The following KCNN2 variants were observed in gnomAD, a reference collection of about 807,000 sequenced individuals.
KCNN2 encodes potassium calcium-activated channel subfamily N member 2.
In KCNN2, 24 loss-of-function variants were observed where a neutral mutation model predicts 55.5. The ratio of observed to expected loss-of-function variants is 0.43; its 90% CI spans 0.31 to 0.61. KCNN2 has a LOEUF of 0.61. KCNN2 is among the 20% of genes least tolerant of loss of function. The pLI is 0.08. For synonymous variants in KCNN2, 431 were observed against 336.1 expected (o/e 1.28, Z -3.09); for missense variants, 754 against 853.6 (o/e 0.88, Z 1.45).
chr5:114,387,623 T>C (rs1001689116), intron 2 of KCNN2, among the ~76,000 whole-genome samples: 7 of 152,226 alleles, frequency 4.6e-5, no homozygotes, highest in Non-Finnish European at 1.0e-4. Context: ...GCTAAGGCTC[T>C]GAGCAGTTCA....
At chr5:114,238,454 C>T (rs1232375535) in intron 2 of KCNN2, among the ~76,000 whole-genome samples, 2 of 151,862 alleles carry the variant, frequency 1.3e-5, no homozygotes, top group Admixed American at 6.6e-5. Context: ...GGTGAAACCC[C>T]GTCTCTACTA....
chr5:114,231,322 C>T (rs1754353464), intron 2 of KCNN2, among the ~76,000 whole-genome samples: 1 of 114,804 alleles, frequency 8.7e-6, no homozygotes, highest in African/African-American at 3.7e-5. Context: ...GCTTTTGTTG[C>T]CATTGCTTTT....
intron 2 of KCNN2, among the ~76,000 whole-genome samples, chr5:114,344,214 G>A (rs902161589): frequency 6.6e-6 from 1 of 152,144 alleles, no homozygotes; most frequent in Non-Finnish European, 1.5e-5. Flanking sequence ...ACAAAGTAAG[G>A]AGCCCAGTCA....
chr5:114,440,805 T>C (rs1362395701), intron 3 of KCNN2, among the ~76,000 whole-genome samples: 1 of 138,756 alleles, frequency 7.2e-6, no homozygotes, highest in African/African-American at 2.5e-5. Flanking sequence ...AATAGAAAAA[T>C]GTGTAGTATG....
At position 114,061,981 on chromosome 5, in the gene KCNN2, A is replaced by G. The variant is rs926582014; in HGVS notation, c.-271+5481A>G. ...CTTAAAAACTGAATGACTTATTTAC[A>G]TTTCCCCAAAGATGACCAACTGTAA... On this transcript the variant is annotated intron_variant, in intron 1 of 10. Coordinates refer to the KCNN2 transcript ENST00000512097. Among the ~76,000 whole-genome samples, 4 of 152,080 alleles carry G rather than the reference A, an allele frequency of 2.6e-5. No individual in the cohort carries two copies. The East Asian group carries it at 7.7e-4, about 29-fold the overall frequency.
At chr5:114,099,738 G>T (rs981109313) in intron 1 of KCNN2, among the ~76,000 whole-genome samples, 19 of 152,104 alleles carry the variant, frequency 1.2e-4, no homozygotes, top group Admixed American at 1.0e-3. Flanking sequence ...CTTTTCTTCA[G>T]ATATAGTAGC....
chr5:114,188,387 C>T (rs1238984862), intron 1 of KCNN2, among the ~76,000 whole-genome samples: 1 of 152,032 alleles, frequency 6.6e-6, no homozygotes, highest in African/African-American at 2.4e-5. Flanking sequence ...CAGATATTAT[C>T]TGTATAATAT....
chr5:114,396,157 C>T (rs988872743), intron 2 of KCNN2, among the ~76,000 whole-genome samples: 4 of 151,776 alleles, frequency 2.6e-5, no homozygotes, highest in African/African-American at 9.7e-5. Context: ...TTTGCATCTT[C>T]TCTTTCTTTT....
At chr5:114,172,244 T>C (rs1165919532) in intron 1 of KCNN2, among the ~76,000 whole-genome samples, 7 of 151,984 alleles carry the variant, frequency 4.6e-5, no homozygotes, top group African/African-American at 1.4e-4. Context: ...TGGTGCTTAT[T>C]ATGGGCAAAG....
At chr5:114,130,082 G>T (rs576523099) in intron 1 of KCNN2, among the ~76,000 whole-genome samples, 2 of 152,254 alleles carry the variant, frequency 1.3e-5, no homozygotes, top group Admixed American at 6.5e-5. Context: ...TTCCTCCCTA[G>T]TATACCAGCT....
intron 3 of KCNN2, among the ~76,000 whole-genome samples, chr5:114,423,098 T>G (rs1759517392): frequency 6.6e-6 from 1 of 152,206 alleles, no homozygotes; most frequent in Admixed American, 6.5e-5. Context: ...TTTTCCCAAA[T>G]TTTCATGGAG....
At chr5:114,413,510 A>G (rs1384266781) in intron 3 of KCNN2, among the ~76,000 whole-genome samples, 2 of 152,134 alleles carry the variant, frequency 1.3e-5, no homozygotes, top group Non-Finnish European at 2.9e-5. Context: ...CTGGTCTTGA[A>G]TTCTTGACCT....
intron 1 of KCNN2, among the ~76,000 whole-genome samples, chr5:114,131,202 G>T (rs376635914): frequency 1.6e-4 from 24 of 152,188 alleles, no homozygotes; most frequent in East Asian, 1.5e-3. Flanking sequence ...ACATACCATG[G>T]TGGTTTGCTG....
chr5:114,139,493 A>G (rs971757368), intron 1 of KCNN2, among the ~76,000 whole-genome samples: 3 of 147,906 alleles, frequency 2.0e-5, no homozygotes, highest in African/African-American at 7.3e-5. Flanking sequence ...AAAGGAAAAT[A>G]TATCCATAAT....
intron 2 of KCNN2, among the ~76,000 whole-genome samples, chr5:114,364,259 G>C (rs1373736509): frequency 2.0e-5 from 3 of 152,142 alleles, no homozygotes; most frequent in Non-Finnish European, 2.9e-5. Flanking sequence ...CTCTTCAGTA[G>C]GTGGATCCTT....
chr5:114,130,438 C>G (rs372804683), intron 1 of KCNN2, among the ~76,000 whole-genome samples: 12 of 152,264 alleles, frequency 7.9e-5, no homozygotes, highest in African/African-American at 2.9e-4. Context: ...TTGGATCTTT[C>G]CGTTGGAATT....
intron 2 of KCNN2, among the ~76,000 whole-genome samples, chr5:114,263,946 T>G (rs1366015285): frequency 6.6e-6 from 1 of 152,202 alleles, no homozygotes; most frequent in East Asian, 1.9e-4. Context: ...CTGACCCAAA[T>G]GCAAGCAAGG....
At chr5:114,188,855 A>T (rs1193699653) in intron 1 of KCNN2, among the ~76,000 whole-genome samples, 3 of 152,212 alleles carry the variant, frequency 2.0e-5, no homozygotes, top group African/African-American at 7.2e-5. Context: ...AGGAGAAATC[A>T]GTACTGTAAA....
In KCNN2 at chr5:114,284,994, G is replaced by A. The variant is rs746290119; in HGVS notation, c.-185+63429G>A. ...TGTTATGGTACCTTGGGCAGAGTAA[G>A]TTGGCAGGCTGGGCGCGGTGGCTCA... is the stretch of plus-strand genomic sequence containing the variant. On this transcript the variant is annotated intron_variant, in intron 2 of 10. Coordinates refer to the KCNN2 transcript ENST00000512097. 1.7e-4 allele frequency among the ~76,000 whole-genome samples: 26 copies of A among 151,762 alleles called. 1 individual carries two copies. Among genetic ancestry groups the A allele is most frequent in the Non-Finnish European group, 2.7e-4 (18 of 67,920 alleles).
Sources: allele counts gnomAD v4.1 joint callset (sites outside exome capture counted in the v4.1 genomes callset), GRCh38; gene constraint gnomAD v4.1.1; transcripts MANE v1.5; gene names NCBI Gene and HGNC (gene_info 2026-07-23, HGNC 2026-07-21).